Variants in LIPA observed in about 807,000 individuals in gnomAD.
LIPA encodes the protein lipase A, lysosomal acid type.
LIPA carries 26 observed loss-of-function variants against 40.6 expected under a neutral mutation model. The ratio of observed to expected loss-of-function variants is 0.64; its 90% confidence interval spans 0.47 to 0.89. The LOEUF (loss-of-function observed/expected upper bound fraction) is 0.89. LIPA is among the 40% of genes least tolerant of loss of function. LIPA has a pLI of 0.00. For missense variants in LIPA, 455 were observed against 479.6 expected, an observed-to-expected ratio of 0.95 and a Z score of 0.48; for synonymous variants, 188 against 168.4, an observed-to-expected ratio of 1.12 and a Z score of -0.90.
intron 1 of LIPA, among the ~76,000 whole-genome samples, chr10:89,264,901 G>A (rs919506496): frequency 7.2e-5 from 11 of 152,098 alleles, no homozygotes; most frequent in African/African-American, 1.4e-4. Context: ...TGCCATCTGC[G>A]TGTCATCCAC....
At chr10:89,298,097 G>A (rs189680401) in intron 1 of LIPA, among the ~76,000 whole-genome samples, 155 of 152,282 alleles carry the variant, frequency 1.0e-3, no homozygotes, top group Non-Finnish European at 1.9e-3. Flanking sequence ...TTGTCCCACC[G>A]TTGGCTACTG....
intron 2 of LIPA, among the ~76,000 whole-genome samples, chr10:89,375,944 T>C (rs190381237): frequency 5.6e-4 from 85 of 152,172 alleles, no homozygotes; most frequent in African/African-American, 1.8e-3. Context: ...TCCCACACTT[T>C]AGGAGGCCAA....
intron 1 of LIPA, among the ~76,000 whole-genome samples, chr10:89,317,663 A>G (rs375143123): frequency 6.6e-6 from 1 of 152,380 alleles, no homozygotes; most frequent in East Asian, 1.9e-4. Flanking sequence ...ATGCAGGAGA[A>G]CTTCCCCAAC....
chr10:89,382,848 T>G (rs1844173499), intron 2 of LIPA, among the ~76,000 whole-genome samples: 1 of 152,252 alleles, frequency 6.6e-6, no homozygotes, highest in Admixed American at 6.5e-5. Flanking sequence ...TCTCATATTT[T>G]ACTCAGAACC....
chr10:89,402,805 C>A, intron 2 of LIPA: 5 of 1,614,198 alleles, frequency 3.1e-6, no homozygotes, highest in Non-Finnish European at 4.2e-6. Context: ...AACCCTGAAT[C>A]CAGCGCTGGG....
In LIPA at chr10:89,264,607, C is replaced by T. The variant is rs528458249; in HGVS notation, c.-1-16958G>A. Among the ~76,000 whole-genome samples the T allele has an allele frequency of 2.0e-4, 31 of 152,158 alleles. 1 individual carries two copies. Among genetic ancestry groups the T allele is most frequent in the Admixed American group, 1.8e-3 (27 of 15,296 alleles). ...AGTGTGCAGCCCTCAGCAGAGAGGA[C>T]ACCCAGAGTGGGTAGCTCCTATCCG... On this transcript the variant is annotated intron_variant, in intron 1 of 5. Coordinates refer to the LIPA transcript ENST00000282673.
rs1378746016 is a variant in LIPA at position 89,267,034 on chromosome 10, G to C, written c.-1-19385C>G. Among the ~76,000 whole-genome samples, 3 of 152,136 alleles carry C rather than the reference G, an allele frequency of 2.0e-5. No homozygotes were observed. In the East Asian group the frequency reaches 5.8e-4, roughly 29 times the overall value. On this transcript the variant is annotated intron_variant, in intron 1 of 5. Transcript: ENST00000282673. The stretch of plus-strand genomic sequence containing the variant: ...TATGAATGTCAAATAAAATATCTTT[G>C]TTTATAACCATCAAGTTTACTCCCA...
chr10:89,247,544 C>T lies in LIPA; in HGVS notation c.105G>A (p.Met35Ile), dbSNP rs145756015. The change falls in exon 2 of 10, where the codon ATG becomes ATA. Residue 35 changes from methionine to isoleucine, a missense_variant. By Grantham distance (10) the Met-to-Ile change is conservative. Coordinates refer to ENST00000336233, the MANE Select transcript of LIPA (RefSeq NM_000235.4). ...ATAACTTTGAGAAACTTACCACATTCATGTTTGTTTCAGGATCCACAGCTG... is the reference window on the plus strand; with the variant it reads ...ATAACTTTGAGAAACTTACCACATTTATGTTTGTTTCAGGATCCACAGCTG... ...KLTAVDPETN[M>I]NVSEIISYWG... is the part of the protein sequence containing the mutation. The T allele has an allele frequency of 3.1e-6, 5 of 1,595,618 alleles. No individual in the cohort carries two copies. In the African/African-American group the frequency reaches 5.4e-5, roughly 17 times the overall value.
At chr10:89,413,857 A>G (rs1264041407) in intron 1 of LIPA, among the ~76,000 whole-genome samples, 1 of 152,144 alleles carries the variant, frequency 6.6e-6, no homozygotes, top group East Asian at 1.9e-4. Context: ...CAATAAGGGT[A>G]AGGCCCGTGT....
intron 1 of LIPA, among the ~76,000 whole-genome samples, chr10:89,323,824 T>C (rs1427104566): frequency 6.6e-6 from 1 of 152,208 alleles, no homozygotes; most frequent in Non-Finnish European, 1.5e-5. Context: ...ATAGGAAGAA[T>C]CGATATTGCT....
chr10:89,387,246 G>C (rs964115176), intron 2 of LIPA, among the ~76,000 whole-genome samples: 1 of 151,140 alleles, frequency 6.6e-6, no homozygotes, highest in Non-Finnish European at 1.5e-5. Context: ...AACCCAGGAG[G>C]TGGAGCTTGC....
At chr10:89,242,240 G>T (rs1395323533) in intron 3 of LIPA, among the ~76,000 whole-genome samples, 1 of 152,204 alleles carries the variant, frequency 6.6e-6, no homozygotes, top group Non-Finnish European at 1.5e-5. Flanking sequence ...TCCTAAGAAG[G>T]TTGCTTAATG....
intron 1 of LIPA, among the ~76,000 whole-genome samples, chr10:89,263,035 C>A (rs547635013): frequency 1.1e-4 from 16 of 152,348 alleles, no homozygotes; most frequent in Non-Finnish European, 2.1e-4. Context: ...TCCATCAAGT[C>A]TTCATGAATT....
chr10:89,251,920 G>T (rs1035445832), upstream of LIPA: 2 of 153,366 alleles, frequency 1.3e-5, no homozygotes, highest in Non-Finnish European at 2.9e-5. Context: ...CGGAGACTCC[G>T]CCCCAGACCA....
intron 2 of LIPA, chr10:89,405,584 G>A (rs138995053): frequency 2.6e-5 from 4 of 152,070 alleles, no homozygotes; most frequent in Admixed American, 6.5e-5. Context: ...TATTGATGAC[G>A]CTACACTCCT....
chr10:89,339,858 A>G (rs1843829117), intron 1 of LIPA: 1 of 1,614,116 alleles, frequency 6.2e-7, no homozygotes, highest in South Asian at 1.1e-5. Flanking sequence ...TCAAAGACCA[A>G]CCACAGAATG....
At position 89,222,549 on chromosome 10, in the gene LIPA, CAGG is replaced by C; in HGVS notation, c.853_855del (p.Pro285del). The C allele has an allele frequency of 1.9e-6, 3 of 1,610,388 alleles. No individual in the cohort carries two copies. Among genetic ancestry groups the C allele is most frequent in the Non-Finnish European group, 2.5e-6 (3 of 1,176,592 alleles). The stretch of plus-strand genomic sequence containing the variant: ...AACATGTTTTGCACAGAAGTTCCAG[CAGG>C]AGAATGTGTTGTATATACATCCACT... On this transcript the variant is annotated inframe_deletion, in exon 8 of 10. Coordinates refer to ENST00000336233, the MANE Select transcript of LIPA (RefSeq NM_000235.4).
chr10:89,266,319 G>T (rs555609455), intron 1 of LIPA, among the ~76,000 whole-genome samples: 1 of 109,932 alleles, frequency 9.1e-6, no homozygotes, highest in South Asian at 3.2e-4. Context: ...GAAAATGACT[G>T]TGTATTGGTA....
At chr10:89,221,249 G>T (rs929123765) in intron 8 of LIPA, among the ~76,000 whole-genome samples, 1 of 151,974 alleles carries the variant, frequency 6.6e-6, no homozygotes, top group Non-Finnish European at 1.5e-5. Context: ...AAACGACTCG[G>T]GAGGCTGAGG....
Sources: gnomAD v4.1 joint callset for allele counts (sites outside exome capture counted in the v4.1 genomes callset) on GRCh38, gnomAD v4.1.1 for gene constraint, MANE v1.5 for transcripts, NCBI Gene and HGNC (gene_info 2026-07-23, HGNC 2026-07-21) for gene names.